ABCG2: variants seen among roughly 807,000 people sequenced by gnomAD.
ABCG2 encodes the protein ATP binding cassette subfamily G member 2 (JR blood group), also known as broad substrate specificity ATP-binding cassette transporter ABCG2.
Under a neutral mutation model 73.5 loss-of-function variants are expected in ABCG2, and 80 were observed. That is an observed-to-expected ratio of 1.09 (90% CI 0.91 to 1.31). The LOEUF (loss-of-function observed/expected upper bound fraction) is 1.31, where lower values mean the gene tolerates loss of function less well. Among genes scored for constraint, ABCG2 ranks in the 50% most tolerant of loss-of-function variants. The probability of loss-of-function intolerance (pLI) is 0.00; values close to 1 mark genes in which losing one functional copy is unlikely to be tolerated. For synonymous variants in ABCG2, 269 were observed against 282.4 expected, an observed-to-expected ratio of 0.95 and a Z score of 0.48; for missense variants, 796 against 786.2, an observed-to-expected ratio of 1.01 and a Z score of -0.15.
At chr4:88,196,260 C>T (rs1728938449) in intron 1 of ABCG2, among the ~76,000 whole-genome samples, 1 of 152,156 alleles carries the variant, frequency 6.6e-6, no homozygotes, top group South Asian at 2.1e-4. Flanking sequence ...GTCATTTAAC[C>T]TTCCTAATCT....
chr4:88,222,639 T>C (rs1480186967), intron 1 of ABCG2, among the ~76,000 whole-genome samples: 1 of 152,208 alleles, frequency 6.6e-6, no homozygotes, highest in Non-Finnish European at 1.5e-5. Flanking sequence ...GTTTCGGGTA[T>C]GTCTTTATCA....
rs147524227 is a variant in ABCG2 at position 88,098,116 on chromosome 4, G to A, written c.1493-509C>T. Reference sequence around the variant, plus strand: ...CTGGATTGAAATGAGACTAAATTACGTTTCATAAACTGCTTTCTAAACTGT... The same window carrying A: ...CTGGATTGAAATGAGACTAAATTACATTTCATAAACTGCTTTCTAAACTGT... On this transcript the variant is annotated intron_variant, in intron 12 of 15. Transcript: ENST00000237612. Among the ~76,000 whole-genome samples the A allele has an allele frequency of 4.2e-3, 634 of 152,220 alleles. 5 individuals carry two copies. The highest frequency in any genetic ancestry group is 0.014 in the African/African-American group (587 of 41,516).
chr4:88,178,609 T>G (rs911976068), intron 1 of ABCG2, among the ~76,000 whole-genome samples: 1 of 152,158 alleles, frequency 6.6e-6, no homozygotes, highest in Non-Finnish European at 1.5e-5. Flanking sequence ...GAGCACCAAA[T>G]GGGCTCTTGG....
intron 1 of ABCG2, among the ~76,000 whole-genome samples, chr4:88,229,344 GAAC>G (rs1730361246): frequency 6.6e-6 from 1 of 151,968 alleles, no homozygotes; most frequent in Non-Finnish European, 1.5e-5. Flanking sequence ...ATCTTCACTA[GAAC>G]AACAAAATTG....
chr4:88,153,229 C>CA (rs34424455), intron 1 of ABCG2, among the ~76,000 whole-genome samples: 151,944 of 151,948 alleles, frequency 1, 75,970 homozygotes, highest in Middle Eastern at 1. Context: ...TAAACAAGAG[C>CA]GGGCATGTAT....
chr4:88,229,965 T>C (rs1396124748), intron 1 of ABCG2, among the ~76,000 whole-genome samples: 1 of 139,254 alleles, frequency 7.2e-6, no homozygotes, highest in Non-Finnish European at 1.6e-5. Context: ...AATCAGCTAT[T>C]TTTTCTGGCA....
At chr4:88,183,839 C>T (rs1051002992) in intron 1 of ABCG2, among the ~76,000 whole-genome samples, 2 of 151,448 alleles carry the variant, frequency 1.3e-5, no homozygotes, top group Non-Finnish European at 1.5e-5. Flanking sequence ...TCAAATTCAA[C>T]AATACATTGA....
At chr4:88,194,374 C>A (rs1199673290) in intron 1 of ABCG2, among the ~76,000 whole-genome samples, 3 of 151,598 alleles carry the variant, frequency 2.0e-5, no homozygotes, top group African/African-American at 4.8e-5. Flanking sequence ...CACGGTTAAA[C>A]CCCGTCTCTA....
intron 14 of ABCG2, among the ~76,000 whole-genome samples, chr4:88,095,188 T>C (rs558444401): frequency 6.6e-6 from 1 of 152,372 alleles, no homozygotes; most frequent in East Asian, 1.9e-4. Context: ...CCTTTCATTA[T>C]AAACATATGT....
chr4:88,188,258 T>A (rs750727901), intron 1 of ABCG2, among the ~76,000 whole-genome samples: 1 of 152,250 alleles, frequency 6.6e-6, no homozygotes, highest in Non-Finnish European at 1.5e-5. Flanking sequence ...GAATTAGTCT[T>A]GGCACATTTG....
chr4:88,173,858 A>G (rs1727853577), intron 1 of ABCG2, among the ~76,000 whole-genome samples: 1 of 152,188 alleles, frequency 6.6e-6, no homozygotes, highest in Admixed American at 6.5e-5. Context: ...AACAAATATC[A>G]CTGATTGTCT....
chr4:88,231,061 G>C (rs927517456), exon 1 of ABCG2: 2 of 152,184 alleles, frequency 1.3e-5, no homozygotes, highest in Non-Finnish European at 2.9e-5. Context: ...GTGGTAATAC[G>C]AAGAAGATTT....
intron 1 of ABCG2, among the ~76,000 whole-genome samples, chr4:88,208,818 A>G (rs1385606114): frequency 6.6e-6 from 1 of 152,164 alleles, no homozygotes; most frequent in Non-Finnish European, 1.5e-5. Context: ...GTGTCCCACT[A>G]TTTTCTCCAA....
At chr4:88,184,376 C>T (rs761586694) in intron 1 of ABCG2, among the ~76,000 whole-genome samples, 1 of 152,110 alleles carries the variant, frequency 6.6e-6, no homozygotes, top group Non-Finnish European at 1.5e-5. Context: ...ACAAAATCAA[C>T]ATACAAAAAA....
intron 1 of ABCG2, among the ~76,000 whole-genome samples, chr4:88,215,417 T>A (rs955071484): frequency 1.6e-4 from 25 of 152,318 alleles, no homozygotes; most frequent in Admixed American, 1.1e-3. Flanking sequence ...GAAATAGGAC[T>A]CGGTCCATTA....
intron 15 of ABCG2, among the ~76,000 whole-genome samples, chr4:88,094,214 G>A (rs1204523728): frequency 1.3e-5 from 2 of 152,062 alleles, no homozygotes; most frequent in Non-Finnish European, 2.9e-5. Context: ...ATACAGTTCA[G>A]GAACCATAAG....
chr4:88,210,405 T>C (rs1400301477), intron 1 of ABCG2, among the ~76,000 whole-genome samples: 2 of 152,040 alleles, frequency 1.3e-5, no homozygotes, highest in Admixed American at 1.3e-4. Flanking sequence ...AATTGTAAAA[T>C]CTATTTGTAG....
At chr4:88,170,146 T>A (rs1027468915) in intron 1 of ABCG2, among the ~76,000 whole-genome samples, 10 of 151,706 alleles carry the variant, frequency 6.6e-5, no homozygotes, top group Non-Finnish European at 1.3e-4. Flanking sequence ...TTTTTAAACC[T>A]TTTTTTCTTT....
intron 6 of ABCG2, among the ~76,000 whole-genome samples, chr4:88,120,928 TA>T (rs1305701967): frequency 6.6e-6 from 1 of 152,192 alleles, no homozygotes; most frequent in Admixed American, 6.5e-5. Context: ...TGAATTGTAA[TA>T]ACATTTGTAA....
Sources: gnomAD v4.1 joint callset for allele counts (sites outside exome capture counted in the v4.1 genomes callset) on GRCh38, gnomAD v4.1.1 for gene constraint, MANE v1.5 for transcripts, NCBI Gene and HGNC (gene_info 2026-07-23, HGNC 2026-07-21) for gene names.